The following MAST2 variants were observed in gnomAD, a reference collection of about 807,000 sequenced individuals.
MAST2 encodes microtubule-associated serine/threonine-protein kinase 2.
MAST2 carries 70 observed loss-of-function variants against 147.4 expected under a neutral mutation model. That is an observed-to-expected ratio of 0.47 (90% CI 0.39 to 0.58). The LOEUF (loss-of-function observed/expected upper bound fraction) is 0.58. MAST2 is among the 20% of genes least tolerant of loss of function. The pLI, the probability that MAST2 is intolerant of heterozygous loss-of-function variation, is 0.00. For missense variants in MAST2, 2,080 were observed against 2,302.3 expected (o/e 0.90, Z 1.98); for synonymous variants, 869 against 896.8 (o/e 0.97, Z 0.55).
intron 3 of MAST2, among the ~76,000 whole-genome samples, chr1:45,840,913 A>G (rs1645253320): frequency 6.6e-6 from 1 of 152,182 alleles, no homozygotes; most frequent in Non-Finnish European, 1.5e-5. Flanking sequence ...GGGATGGAAC[A>G]TTCTGAACTG....
In MAST2 at chr1:45,821,460, A is replaced by T. The variant is rs117997588; in HGVS notation, c.178-2973A>T. On this transcript the variant is annotated intron_variant, in intron 1 of 28. Transcript: ENST00000361297. ...GCTTAGAAGTCACGGAGCTTCTTGG[A>T]TGTGTAGATTTGTATCTGTCATCAC... Among the ~76,000 whole-genome samples, 324 of 146,758 alleles carry T rather than the reference A, an allele frequency of 2.2e-3. 8 individuals carry two copies. In the East Asian group the frequency reaches 0.059, roughly 27 times the overall value.
Position 45,982,350 on chromosome 1 carries a change from G to C in MAST2, c.593-15374G>C, listed in dbSNP as rs72895015. The stretch of plus-strand genomic sequence containing the variant: ...TCTTGTTATACCAGTGAGGTGACTC[G>C]TAGTGGGCCCCTGGATAGTTTCAGG... On this transcript the variant is annotated intron_variant, in intron 5 of 28. Transcript: ENST00000361297. Among the ~76,000 whole-genome samples the C allele has an allele frequency of 5.1e-3, 779 of 152,278 alleles. 7 individuals carry two copies. Among genetic ancestry groups the C allele is most frequent in the African/African-American group, 0.018 (735 of 41,570 alleles).
At chr1:45,941,111 C>T (rs1657198201) in intron 4 of MAST2, among the ~76,000 whole-genome samples, 1 of 151,996 alleles carries the variant, frequency 6.6e-6, no homozygotes, top group Non-Finnish European at 1.5e-5. Flanking sequence ...TGCTTTGTGC[C>T]CTGAGTGCTT....
intron 3 of MAST2, among the ~76,000 whole-genome samples, chr1:45,830,481 T>C (rs751652805): frequency 6.6e-6 from 1 of 152,118 alleles, no homozygotes; most frequent in Non-Finnish European, 1.5e-5. Flanking sequence ...CCCAATTAAG[T>C]CTATTTTGAT....
chr1:45,831,516 A>C (rs1644955396), intron 3 of MAST2, among the ~76,000 whole-genome samples: 1 of 152,046 alleles, frequency 6.6e-6, no homozygotes, highest in African/African-American at 2.4e-5. Context: ...TACCTCCTTA[A>C]TTTTTTATTT....
chr1:45,967,264 C>T (rs893735866), intron 5 of MAST2, among the ~76,000 whole-genome samples: 7 of 152,030 alleles, frequency 4.6e-5, no homozygotes, highest in East Asian at 1.9e-4. Context: ...GTAGAGATGA[C>T]GTTTCATGTT....
intron 5 of MAST2, among the ~76,000 whole-genome samples, chr1:45,966,861 CTTTTTTT>C (rs58072402): frequency 5.4e-5 from 6 of 111,092 alleles, no homozygotes; most frequent in African/African-American, 1.0e-4. Flanking sequence ...GGATCTGGGT[CTTTTTTT>C]TTTTTTTTTT....
At chr1:45,829,766 G>A (rs1016583314) in intron 3 of MAST2, among the ~76,000 whole-genome samples, 185 bp downstream of exon 3, 48 of 152,200 alleles carry the variant, frequency 3.2e-4, no homozygotes, top group African/African-American at 1.0e-3. Flanking sequence ...TGCCCAGGCT[G>A]ACTTCGAACT....
In MAST2 at chr1:46,029,966, A is replaced by G; in HGVS notation, c.2443+13A>G. 1.2e-6 allele frequency: 2 copies of G among 1,613,932 alleles called. No individual in the cohort carries two copies. The highest frequency in any genetic ancestry group is 2.2e-5 in the South Asian group (2 of 91,002). ...AGCTATTTTGACAGTAAGGCCACCG[A>G]TGGGTGGGGTGGAGGATGGGTCCTA... On this transcript the variant is annotated intron_variant, in intron 20 of 28. Transcript: ENST00000361297.
At chr1:45,975,688 A>AT (rs1408081581) in intron 5 of MAST2, among the ~76,000 whole-genome samples, 4 of 149,662 alleles carry the variant, frequency 2.7e-5, no homozygotes, top group Non-Finnish European at 5.9e-5. Flanking sequence ...AAAAAAAAAA[A>AT]AAAACACAGA....
intron 22 of MAST2, 32 bp from the exon 23 acceptor site, chr1:46,030,975 G>A: frequency 6.2e-7 from 1 of 1,602,540 alleles, no homozygotes; most frequent in Non-Finnish European, 8.5e-7. Context: ...GGGACCACCT[G>A]GGTCACTCAC....
At chr1:46,022,637 T>A (rs559487572) in intron 12 of MAST2, among the ~76,000 whole-genome samples, 1 of 152,268 alleles carries the variant, frequency 6.6e-6, no homozygotes, top group African/African-American at 2.4e-5. Context: ...TCAGGCCCTG[T>A]TTTCCAGGAA....
chr1:45,861,558 G>C (rs1242038926), intron 3 of MAST2, among the ~76,000 whole-genome samples: 1 of 151,704 alleles, frequency 6.6e-6, no homozygotes, highest in African/African-American at 2.4e-5. Flanking sequence ...ACCTGTACCT[G>C]CTTTTTCCTT....
intron 5 of MAST2, among the ~76,000 whole-genome samples, chr1:45,977,226 G>A (rs939160598): frequency 6.6e-6 from 1 of 152,260 alleles, no homozygotes; most frequent in African/African-American, 2.4e-5. Flanking sequence ...CGTGGCTCAT[G>A]CCTGTATTCC....
chr1:45,960,612 C>T (rs1285423720), intron 5 of MAST2, among the ~76,000 whole-genome samples: 1 of 152,208 alleles, frequency 6.6e-6, no homozygotes, highest in Non-Finnish European at 1.5e-5. Flanking sequence ...CAGCCATGTG[C>T]TTCTGTGTAG....
chr1:45,915,484 G>A (rs932812690), intron 4 of MAST2, among the ~76,000 whole-genome samples: 4 of 152,170 alleles, frequency 2.6e-5, no homozygotes, highest in Admixed American at 6.5e-5. Flanking sequence ...GCCGAGGCGG[G>A]CGGATCACGA....
chr1:45,807,937 T>C (rs542273979), intron 1 of MAST2, among the ~76,000 whole-genome samples: 58 of 152,332 alleles, frequency 3.8e-4, no homozygotes, highest in Non-Finnish European at 6.9e-4. Context: ...TCATTGTATG[T>C]GTCGAGACTG....
At chr1:45,907,171 A>G (rs1305874530) in intron 4 of MAST2, among the ~76,000 whole-genome samples, 2 of 152,138 alleles carry the variant, frequency 1.3e-5, no homozygotes, top group African/African-American at 2.4e-5. Context: ...GCATCACTAT[A>G]TATATTGTGA....
At chr1:45,880,778 T>A (rs956467996) in intron 3 of MAST2, among the ~76,000 whole-genome samples, 6 of 151,818 alleles carry the variant, frequency 4.0e-5, no homozygotes, top group Admixed American at 6.6e-5. Flanking sequence ...GTCAGGAGTT[T>A]GAGACCAGCC....
Sources: allele counts gnomAD v4.1 joint callset (sites outside exome capture counted in the v4.1 genomes callset), GRCh38; gene constraint gnomAD v4.1.1; transcripts MANE v1.5; gene names NCBI Gene and HGNC (gene_info 2026-07-23, HGNC 2026-07-21).